The following SHISA5 variants were observed in gnomAD, a reference collection of about 807,000 sequenced individuals.
SHISA5 encodes protein shisa-5.
A neutral mutation model predicts 27.5 loss-of-function variants in SHISA5; 21 were observed. That is an observed-to-expected ratio of 0.76 (90% CI 0.54 to 1.10). The LOEUF (loss-of-function observed/expected upper bound fraction) is 1.10, where lower values mean the gene tolerates loss of function less well. Among genes scored for constraint, SHISA5 ranks in the 50% least tolerant of loss-of-function variants. The pLI is 0.00. For synonymous variants in SHISA5, 137 were observed against 142.2 expected, an observed-to-expected ratio of 0.96 and a Z score of 0.26; for missense variants, 314 against 336.3, an observed-to-expected ratio of 0.93 and a Z score of 0.52.
At chr3:48,499,254 A>G (rs967445967) in intron 2 of SHISA5, among the ~76,000 whole-genome samples, 1 of 152,242 alleles carries the variant, frequency 6.6e-6, no homozygotes, top group African/African-American at 2.4e-5. Flanking sequence ...GACTTACTGC[A>G]GTCTCAACCT....
chr3:48,486,416 A>T (rs1261793479), intron 2 of SHISA5, among the ~76,000 whole-genome samples: 2 of 96,726 alleles, frequency 2.1e-5, no homozygotes, highest in African/African-American at 9.4e-5. Context: ...AATATATATT[A>T]TATATTATAT....
chr3:48,479,141 C>G (rs1367007165), intron 3 of SHISA5, 36 bp downstream of exon 3: 5 of 1,573,100 alleles, frequency 3.2e-6, no homozygotes, highest in Non-Finnish European at 4.3e-6. Flanking sequence ...GTCACCTTTG[C>G]CAGGAAGATG....
chr3:48,486,442 AATATTAT>A (rs1370299111), intron 2 of SHISA5, among the ~76,000 whole-genome samples: 2 of 102,744 alleles, frequency 1.9e-5, no homozygotes, highest in Admixed American at 1.5e-4. Context: ...ATATATTTAT[AATATTAT>A]ATATTATATA....
In SHISA5 at chr3:48,472,263, G is replaced by A. The variant is rs7627554; in HGVS notation, c.315-2420C>T. ...AACACTTTGGGAGGCCGAGGCAGGCGGATCGCCTGAGGTCAGGAATTTGAG... is the reference window on the plus strand; with the variant it reads ...AACACTTTGGGAGGCCGAGGCAGGCAGATCGCCTGAGGTCAGGAATTTGAG... On this transcript the variant is annotated intron_variant, in intron 3 of 5. Coordinates refer to ENST00000296444, the MANE Select transcript of SHISA5 (RefSeq NM_016479.6). Among the ~76,000 whole-genome samples, 599 of 152,268 alleles carry A rather than the reference G, an allele frequency of 3.9e-3. 4 individuals are homozygous for A. The highest frequency in any genetic ancestry group is 0.014 in the African/African-American group (569 of 41,550).
intron 3 of SHISA5, among the ~76,000 whole-genome samples, chr3:48,478,194 C>T (rs2040885626): frequency 1.3e-5 from 2 of 152,170 alleles, no homozygotes. Flanking sequence ...GAGGGGAAGG[C>T]CTGTAGAGAT....
At chr3:48,503,772 C>A (rs1450786000) in intron 1 of SHISA5, 1 of 1,243,920 alleles carries the variant, frequency 8.0e-7, no homozygotes, top group Non-Finnish European at 1.0e-6. Flanking sequence ...GGGCAGACCC[C>A]TCCCCACCGT....
intron 2 of SHISA5, among the ~76,000 whole-genome samples, chr3:48,480,969 C>G (rs967877522): frequency 6.6e-6 from 1 of 151,814 alleles, no homozygotes. Context: ...GTGGCGGGCA[C>G]CTGTAATCCC....
Position 48,468,249 on chromosome 3 carries a change from T to C in SHISA5, c.*858A>G. 1 of 999,420 alleles carries C rather than the reference T, an allele frequency of 1.0e-6. No homozygotes were observed. The highest frequency in any genetic ancestry group is 1.2e-6 in the Non-Finnish European group (1 of 837,832). 61.9% of individuals were successfully genotyped at this position (999,420 alleles called of 1,614,324 possible). A position where few individuals can be genotyped will look rare whatever the true frequency, so the allele number is the denominator to read the frequency against. ...TGTTTGAAACAGAAAACAGGCAAAATGTTTGGCTAAAATAAAATGAAAACA... is the reference window on the plus strand; with the variant it reads ...TGTTTGAAACAGAAAACAGGCAAAACGTTTGGCTAAAATAAAATGAAAACA... On this transcript the variant is annotated 3_prime_UTR_variant, in exon 6 of 6. Coordinates refer to ENST00000296444, the MANE Select transcript of SHISA5 (RefSeq NM_016479.6).
chr3:48,470,020 T>TA lies in SHISA5; in HGVS notation c.315-178dup. The TA allele has an allele frequency of 1.3e-6, 1 of 772,556 alleles. No individual in the cohort carries two copies. The highest frequency in any genetic ancestry group is 2.1e-6 in the Non-Finnish European group (1 of 485,228). 47.9% of individuals were successfully genotyped at this position (772,556 alleles called of 1,614,324 possible). ...GTTTCCTCTTGTGTAAACTGGGGTA[T>TA]ATGTGAGTCCCTGTAACTGTCTCTC... On this transcript the variant is annotated intron_variant, in intron 3 of 5. Coordinates refer to ENST00000296444, the MANE Select transcript of SHISA5 (RefSeq NM_016479.6). The surrounding 1 kb of genome is among the most constrained non-coding windows in gnomAD (Gnocchi z 4.3).
Position 48,469,234 on chromosome 3 carries a change from G to A in SHISA5, c.644-48C>T, listed in dbSNP as rs773218515. 1.2e-5 allele frequency: 19 copies of A among 1,598,518 alleles called. No homozygotes were observed. The highest frequency in any genetic ancestry group is 2.2e-5 in the East Asian group (1 of 44,778). On this transcript the variant is annotated intron_variant, in intron 5 of 5. Transcript: ENST00000296444. This position sits in a 1 kb window ranked among gnomAD's most constrained non-coding sequence, Gnocchi z 4.6. Reference sequence around the variant, plus strand: ...TTGGCTGTGAGCATGGTGGGCTGCCGTGTGAGTGGCAGGCAAGCAGAAAGG... The same window carrying A: ...TTGGCTGTGAGCATGGTGGGCTGCCATGTGAGTGGCAGGCAAGCAGAAAGG...
At chr3:48,480,744 GC>G (rs1218048486) in intron 2 of SHISA5, among the ~76,000 whole-genome samples, 11 of 152,054 alleles carry the variant, frequency 7.2e-5, no homozygotes, top group Non-Finnish European at 1.6e-4. Context: ...AAGTGACAGA[GC>G]AAGACTCAAA....
rs891766299 is a variant in SHISA5, at chr3:48,494,054, T to C, written c.233+7083A>G. Among the ~76,000 whole-genome samples, 31 of 147,214 alleles carry C rather than the reference T, an allele frequency of 2.1e-4. 4 individuals carry two copies. Among genetic ancestry groups the C allele is most frequent in the African/African-American group, 7.8e-4 (29 of 37,060 alleles). ...CTATAGTCACCATTATGATGTACAA[T>C]AGATCTCTTGAACTTACTCCTCCTA... On this transcript the variant is annotated intron_variant, in intron 2 of 5. Coordinates refer to ENST00000296444, the MANE Select transcript of SHISA5 (RefSeq NM_016479.6).
At chr3:48,503,115 C>G in intron 1 of SHISA5, 1 of 1,289,848 alleles carries the variant, frequency 7.8e-7, no homozygotes, top group Non-Finnish European at 1.0e-6. Flanking sequence ...GTATCATCAG[C>G]ATGGCCCGTG....
In SHISA5 at chr3:48,485,270, C is replaced by A. The variant is rs1026003510; in HGVS notation, c.234-6013G>T. On this transcript the variant is annotated intron_variant, in intron 2 of 5. Coordinates refer to ENST00000296444, the MANE Select transcript of SHISA5 (RefSeq NM_016479.6). ...CAGCACTTTGGGAGGCCAAGGCGGG[C>A]GGATCACCTGAGGTCAGGAGTTCAA... Among the ~76,000 whole-genome samples the A allele has an allele frequency of 2.0e-5, 3 of 151,886 alleles. No individual in the cohort carries two copies. The Admixed American group carries it at 2.0e-4, about 10-fold the overall frequency.
intron 2 of SHISA5, among the ~76,000 whole-genome samples, chr3:48,484,457 G>A (rs1055831598): frequency 2.0e-5 from 3 of 152,060 alleles, no homozygotes; most frequent in East Asian, 3.9e-4. Context: ...TTAGCGGGGC[G>A]TGGTGGCACC....
At chr3:48,484,747 G>A (rs1372466027) in intron 2 of SHISA5, among the ~76,000 whole-genome samples, 3 of 152,050 alleles carry the variant, frequency 2.0e-5, no homozygotes, top group African/African-American at 7.3e-5. Context: ...CAAAAAATTA[G>A]CCAGGCGTGG....
chr3:48,493,054 G>C (rs2041476570), intron 2 of SHISA5, among the ~76,000 whole-genome samples: 1 of 147,558 alleles, frequency 6.8e-6, no homozygotes, highest in Non-Finnish European at 1.5e-5. Flanking sequence ...GTTTCACTAA[G>C]GATATGCTGG....
rs2040409491 is a variant in SHISA5, at chr3:48,467,879, A to AAAC, written c.*1225_*1227dup. ...CAGGAAGAAAGGGGGCAGCAGCTCC[A>AAAC]AACGATTGCATTTATTATAAACAAG... On this transcript the variant is annotated 3_prime_UTR_variant, in exon 6 of 6. Coordinates refer to ENST00000296444, the MANE Select transcript of SHISA5 (RefSeq NM_016479.6). 1.9e-6 allele frequency: 1 copy of AAAC among 533,454 alleles called. No homozygotes were observed. Among genetic ancestry groups the AAAC allele is most frequent in the African/African-American group, 1.9e-5 (1 of 52,710 alleles). The allele number at this position is 533,454 out of a possible 1,614,324, so 33.0% of individuals were successfully genotyped here.
chr3:48,468,317 G>C lies in SHISA5; in HGVS notation c.*790C>G. On this transcript the variant is annotated 3_prime_UTR_variant, in exon 6 of 6. Coordinates refer to ENST00000296444, the MANE Select transcript of SHISA5 (RefSeq NM_016479.6). ...GAGTGTGCTGGTGGACAGGAGCCCTGCTCACCTGTGGGAAGGGCAGGGCCA... is the reference window on the plus strand; with the variant it reads ...GAGTGTGCTGGTGGACAGGAGCCCTCCTCACCTGTGGGAAGGGCAGGGCCA... 1 of 1,036,294 alleles carries C rather than the reference G, an allele frequency of 9.6e-7. No individual in the cohort carries two copies. The highest frequency in any genetic ancestry group is 3.5e-5 in the South Asian group (1 of 28,328). 64.2% of individuals were successfully genotyped at this position (1,036,294 alleles called of 1,614,324 possible).
Sources: gnomAD v4.1 joint callset for allele counts (sites outside exome capture counted in the v4.1 genomes callset) on GRCh38, gnomAD v4.1.1 for gene constraint, Gnocchi (gnomAD v3.1) non-coding constraint, MANE v1.5 for transcripts, NCBI Gene and HGNC (gene_info 2026-07-23, HGNC 2026-07-21) for gene names.